DNMBP: variants seen among roughly 807,000 people sequenced by gnomAD.
DNMBP encodes dynamin binding protein.
Under a neutral mutation model 150.0 loss-of-function variants are expected in DNMBP, and 87 were observed. The ratio of observed to expected loss-of-function variants is 0.58; its 90% CI spans 0.49 to 0.69. The LOEUF is 0.69. Ranked by LOEUF, DNMBP falls within the 30% of genes least tolerant of loss-of-function variation. The pLI is 0.00. For missense variants in DNMBP, 1,774 were observed against 1,949.0 expected (o/e 0.91, Z 1.69); for synonymous variants, 711 against 750.4 (o/e 0.95, Z 0.86).
chr10:99,910,266 G>A (rs904427110), intron 4 of DNMBP, among the ~76,000 whole-genome samples: 1 of 152,250 alleles, frequency 6.6e-6, no homozygotes, highest in East Asian at 1.9e-4. Context: ...TCTGGGACGG[G>A]TGCAGTGGCT....
At chr10:99,964,378 T>G (rs2040596057) in intron 3 of DNMBP, among the ~76,000 whole-genome samples, 1 of 151,648 alleles carries the variant, frequency 6.6e-6, no homozygotes, top group Non-Finnish European at 1.5e-5. Flanking sequence ...CGCCTCAGCC[T>G]CCCAAAGTGC....
At chr10:100,002,678 C>A (rs916372563) in intron 1 of DNMBP, among the ~76,000 whole-genome samples, 2 of 151,974 alleles carry the variant, frequency 1.3e-5, no homozygotes, top group Admixed American at 6.6e-5. Context: ...AGATGCTTTC[C>A]ACAAATTATA....
In DNMBP at chr10:99,898,170, C is replaced by T. The variant is rs2039685314; in HGVS notation, c.2836G>A (p.Asp946Asn). ...LLNSTPESHP[D>N]KVPLTNAVLA... ...ACTGCATTGGTTAAAGGCACTTTAT[C>T]TGGGTGGGATTCTGGGGTGGAATTC... Residue 946 changes from aspartate (D) to asparagine (N), a missense_variant, in exon 9 of 17, where the codon GAT becomes AAT. Coordinates refer to ENST00000324109, the MANE Select transcript of DNMBP (RefSeq NM_015221.4). The T allele has an allele frequency of 6.2e-7, 1 of 1,614,058 alleles. No homozygotes were observed. Among genetic ancestry groups the T allele is most frequent in the Non-Finnish European group, 8.5e-7 (1 of 1,180,014 alleles).
chr10:100,000,299 T>C (rs1235480015), intron 1 of DNMBP, among the ~76,000 whole-genome samples: 1 of 152,108 alleles, frequency 6.6e-6, no homozygotes, highest in Non-Finnish European at 1.5e-5. Context: ...GGCACATCCA[T>C]TGCAACATTT....
chr10:99,904,754 T>A (rs1474902495), intron 6 of DNMBP, among the ~76,000 whole-genome samples: 1 of 152,152 alleles, frequency 6.6e-6, no homozygotes, highest in East Asian at 1.9e-4. Flanking sequence ...TTGTTTGACT[T>A]TGGACAAGAA....
intron 3 of DNMBP, among the ~76,000 whole-genome samples, chr10:99,966,367 A>C (rs1037442048): frequency 1.3e-5 from 2 of 152,206 alleles, no homozygotes; most frequent in African/African-American, 4.8e-5. Context: ...CTTTAAGCTT[A>C]TTAGGCTTAA....
At chr10:99,945,585 C>T (rs1382845269) in intron 4 of DNMBP, among the ~76,000 whole-genome samples, 3 of 152,166 alleles carry the variant, frequency 2.0e-5, no homozygotes, top group Non-Finnish European at 4.4e-5. Context: ...TAAAGTTTTG[C>T]AAACAAAGTA....
rs116424120 is a variant in DNMBP, at chr10:99,879,971, G to A, written c.4388C>T (p.Pro1463Leu). 3.7e-5 allele frequency: 59 copies of A among 1,614,082 alleles called. No individual in the cohort carries two copies. In the East Asian group the frequency reaches 6.7e-4, roughly 18 times the overall value. The change falls in exon 16 of 17, where the codon CCG becomes CTG. Residue 1463 changes from proline (P) to leucine (L), a missense_variant. Physicochemically the swap from Pro to Leu is moderately conservative, Grantham distance 98 (BLOSUM62 -3). Around this residue, in one of 2 missense-constraint regions of DNMBP, gnomAD observed 1,430 missense variants for 1,492.5 expected, o/e 0.96. Transcript: ENST00000324109. Reference sequence around the variant, plus strand: ...ATGCCTGAAGTTCCGGTAGCTCCTCGGCGTGGCAGTGGGTTGCTTTACATC... The same window carrying A: ...ATGCCTGAAGTTCCGGTAGCTCCTCAGCGTGGCAGTGGGTTGCTTTACATC... Reference protein sequence around the residue: ...ARDVKQPTATPRSYRNFRHPE... With the variant: ...ARDVKQPTATLRSYRNFRHPE...
intron 4 of DNMBP, among the ~76,000 whole-genome samples, chr10:99,914,871 C>A (rs1031374377): frequency 7.9e-5 from 12 of 151,742 alleles, no homozygotes; most frequent in African/African-American, 2.9e-4. Flanking sequence ...ATGGGTGGAT[C>A]ACCTGAGGTC....
intron 16 of DNMBP, among the ~76,000 whole-genome samples, chr10:99,878,969 C>T (rs1354046643): frequency 6.6e-6 from 1 of 150,882 alleles, no homozygotes; most frequent in East Asian, 2.0e-4. Flanking sequence ...AAAGTAGTCC[C>T]AGCTACTCAG....
At chr10:99,965,582 C>T (rs1012366150) in intron 3 of DNMBP, among the ~76,000 whole-genome samples, 1 of 151,028 alleles carries the variant, frequency 6.6e-6, no homozygotes, top group Admixed American at 6.6e-5. Flanking sequence ...TCTGCAACCT[C>T]CACCTCCCGG....
At chr10:99,895,640 G>T (rs1590218354) in intron 10 of DNMBP, among the ~76,000 whole-genome samples, 1 of 152,156 alleles carries the variant, frequency 6.6e-6, no homozygotes, top group East Asian at 1.9e-4. Flanking sequence ...ACCTAGGACT[G>T]TTCCTCATGA....
At chr10:99,915,109 AT>A (rs56881617) in intron 4 of DNMBP, among the ~76,000 whole-genome samples, 12,670 of 53,352 alleles carry the variant, frequency 0.24, 751 homozygotes, top group East Asian at 0.42. Context: ...AAAAAAAAAA[AT>A]ATATATATAT....
chr10:99,913,678 C>A (rs983882416), intron 4 of DNMBP, among the ~76,000 whole-genome samples: 1 of 152,082 alleles, frequency 6.6e-6, no homozygotes, highest in Non-Finnish European at 1.5e-5. Context: ...CTCAAGACAC[C>A]CCCAGCCCTT....
chr10:99,972,676 T>C (rs1340843635), intron 1 of DNMBP, among the ~76,000 whole-genome samples: 1 of 152,224 alleles, frequency 6.6e-6, no homozygotes, highest in East Asian at 1.9e-4. Context: ...AGTGGTGTGA[T>C]CATAGCTCAC....
chr10:99,997,296 G>A lies in DNMBP; in HGVS notation c.-11+12542C>T, dbSNP rs73333959. ...TTTCTCCCCTAACTCTAGGGAACAC[G>A]AAAATGCCCTTCCACATAGCAGTTG... On this transcript the variant is annotated intron_variant, in intron 1 of 16. Transcript: ENST00000324109. 7.3e-3 allele frequency among the ~76,000 whole-genome samples: 1,113 copies of A among 152,318 alleles called. 10 individuals are homozygous for A. Among genetic ancestry groups the A allele is most frequent in the African/African-American group, 0.016 (652 of 41,556 alleles).
intron 3 of DNMBP, among the ~76,000 whole-genome samples, chr10:99,960,377 G>A (rs2040550902): frequency 6.6e-6 from 1 of 152,092 alleles, no homozygotes; most frequent in Admixed American, 6.6e-5. Flanking sequence ...GGTGCTCAAG[G>A]AATGCACCTG....
rs553147263 is a variant in DNMBP at position 100,000,103 on chromosome 10, T to A, written c.-11+9735A>T. On this transcript the variant is annotated intron_variant, in intron 1 of 16. Coordinates refer to ENST00000324109, the MANE Select transcript of DNMBP (RefSeq NM_015221.4). ...CTTGCTTTAGAAAACAGTGACCAGG[T>A]ATGCAAGGCATAACTGTTCATCGTA... Among the ~76,000 whole-genome samples the A allele has an allele frequency of 2.6e-5, 4 of 152,332 alleles. No individual in the cohort carries two copies. In the East Asian group the frequency reaches 7.7e-4, roughly 29 times the overall value.
chr10:99,929,451 G>A (rs1380016856), intron 4 of DNMBP, among the ~76,000 whole-genome samples: 1 of 152,166 alleles, frequency 6.6e-6, no homozygotes, highest in Admixed American at 6.5e-5. Flanking sequence ...GCCTTCCAAA[G>A]TAATTAAATC....
Sources: allele counts gnomAD v4.1 joint callset (sites outside exome capture counted in the v4.1 genomes callset), GRCh38; gene constraint gnomAD v4.1.1; regional missense constraint gnomAD v4.1.1; transcripts MANE v1.5; gene names NCBI Gene and HGNC (gene_info 2026-07-23, HGNC 2026-07-21).